ME2: variants seen among roughly 807,000 people sequenced by gnomAD.
ME2 encodes the protein malic enzyme 2, also known as NAD-dependent malic enzyme, mitochondrial.
Under a neutral mutation model 73.7 loss-of-function variants are expected in ME2, and 60 were observed. The ratio of observed to expected loss-of-function variants is 0.81; its 90% CI spans 0.66 to 1.01. The LOEUF (loss-of-function observed/expected upper bound fraction) is 1.01, where lower values mean the gene tolerates loss of function less well. ME2 is among the 50% of genes least tolerant of loss of function. The pLI, the probability that ME2 is intolerant of heterozygous loss-of-function variation, is 0.00. For missense variants in ME2, 594 were observed against 705.5 expected, an observed-to-expected ratio of 0.84 and a Z score of 1.79; for synonymous variants, 199 against 236.9, an observed-to-expected ratio of 0.84 and a Z score of 1.47.
chr18:50,924,256 A>G (rs778542784), intron 11 of ME2, 44 bp downstream of exon 11: 11 of 1,275,212 alleles, frequency 8.6e-6, no homozygotes, highest in Admixed American at 1.8e-5. Flanking sequence ...CCCTAACTGT[A>G]TGTTGCCAGT....
intron 3 of ME2, among the ~76,000 whole-genome samples, chr18:50,910,569 A>AG (rs1917131977): frequency 1.3e-5 from 2 of 152,190 alleles, no homozygotes; most frequent in Non-Finnish European, 2.9e-5. Context: ...ATTTTTCCAT[A>AG]GAAAAAATGA....
At position 50,947,907 on chromosome 18, in the gene ME2, A is replaced by G. The variant is rs919324755; in HGVS notation, c.*723A>G. The G allele has an allele frequency of 6.6e-6, 1 of 152,162 alleles. No individual in the cohort carries two copies. The highest frequency in any genetic ancestry group is 1.5e-5 in the Non-Finnish European group (1 of 68,016). The allele number at this position is 152,162 out of a possible 1,614,324, so 9.4% of individuals were successfully genotyped here. The stretch of plus-strand genomic sequence containing the variant: ...TACATTTAATTGCTTCAGTTATGCT[A>G]TCTTATTGCCCAACTAGAAATTTAG... On this transcript the variant is annotated 3_prime_UTR_variant, in exon 16 of 16. Transcript: ENST00000321341.
chr18:50,932,165 A>G (rs916448566), intron 12 of ME2, 93 bp from the exon 13 acceptor site: 28 of 1,010,530 alleles, frequency 2.8e-5, no homozygotes, highest in Middle Eastern at 2.2e-4. Flanking sequence ...ATATTGGTCT[A>G]TTTTACTTCA....
intron 12 of ME2, among the ~76,000 whole-genome samples, chr18:50,929,931 T>C (rs1917654273): frequency 6.6e-6 from 1 of 152,208 alleles, no homozygotes; most frequent in Admixed American, 6.5e-5. Context: ...AGAATTTTGT[T>C]TTTTGTATAA....
intron 13 of ME2, 61 bp downstream of exon 13, chr18:50,932,421 G>T (rs796218567): frequency 7.6e-5 from 98 of 1,295,960 alleles, no homozygotes; most frequent in Non-Finnish European, 1.0e-4. Flanking sequence ...ATACTTAATG[G>T]AATTCTTTGG....
At chr18:50,922,090 T>C (rs982679624) in intron 10 of ME2, among the ~76,000 whole-genome samples, 2 of 152,244 alleles carry the variant, frequency 1.3e-5, no homozygotes, top group Non-Finnish European at 2.9e-5. Context: ...AAATGTACTT[T>C]GTTCCAGTTC....
At chr18:50,904,381 C>G (rs1164606038) in intron 2 of ME2, among the ~76,000 whole-genome samples, 1 of 151,424 alleles carries the variant, frequency 6.6e-6, no homozygotes, top group Non-Finnish European at 1.5e-5. Flanking sequence ...TGGGTTGAAG[C>G]TATTCTCCTG....
Position 50,947,148 on chromosome 18 carries a change from A to G in ME2, c.1719A>G (p.Pro573=), listed in dbSNP as rs779493000. Residue 573 remains proline (P), a synonymous_variant, in exon 16 of 16, where the codon CCA becomes CCG. Transcript: ENST00000321341. The part of the protein sequence containing the change: ...DSLLPDVYEW[P]ESASSPPVIT... The stretch of plus-strand genomic sequence containing the variant: ...TGCTGCCAGATGTGTATGAATGGCC[A>G]GAATCTGCATCAAGCCCTCCTGTGA... 2.5e-6 allele frequency: 4 copies of G among 1,613,676 alleles called. No homozygotes were observed. The highest frequency in any genetic ancestry group is 2.2e-5 in the East Asian group (1 of 44,876).
At chr18:50,940,258 A>G in intron 14 of ME2, 30 bp from the exon 15 acceptor site, 1 of 1,510,278 alleles carries the variant, frequency 6.6e-7, no homozygotes, top group Non-Finnish European at 9.1e-7. Flanking sequence ...ATTTAAACAA[A>G]CAAAAGCAAA....
intron 2 of ME2, among the ~76,000 whole-genome samples, chr18:50,905,440 A>G (rs1334641610): frequency 6.6e-6 from 1 of 152,178 alleles, no homozygotes; most frequent in Non-Finnish European, 1.5e-5. Flanking sequence ...GTTGATGAAA[A>G]GATTAAAACT....
chr18:50,895,641 A>G (rs565379056), intron 1 of ME2, among the ~76,000 whole-genome samples, 168 bp from the exon 2 acceptor site: 4 of 152,226 alleles, frequency 2.6e-5, no homozygotes, highest in Admixed American at 6.5e-5. Context: ...TCCCAAGAAC[A>G]TAAGAGTGTT....
At chr18:50,933,532 C>G (rs1917746905) in intron 13 of ME2, 1 of 152,090 alleles carries the variant, frequency 6.6e-6, no homozygotes, top group Admixed American at 6.6e-5. Flanking sequence ...GTCCTGTCAT[C>G]CATAATCTCT....
Position 50,953,795 on chromosome 18 carries a change from A to T in ME2, c.*6611A>T, listed in dbSNP as rs187791258. Reference sequence around the variant, plus strand: ...AGAAAGTAGTAATATAAAAATGTGTATGAAATAAGAACTTTCTTAAAAGAC... The same window carrying T: ...AGAAAGTAGTAATATAAAAATGTGTTTGAAATAAGAACTTTCTTAAAAGAC... On this transcript the variant is annotated 3_prime_UTR_variant, in exon 16 of 16. Coordinates refer to ENST00000321341, the MANE Select transcript of ME2 (RefSeq NM_002396.5). The T allele has an allele frequency of 9.6e-4, 147 of 152,364 alleles. No individual in the cohort carries two copies. Among genetic ancestry groups the T allele is most frequent in the African/African-American group, 3.3e-3 (139 of 41,588 alleles). The allele number at this position is 152,364 out of a possible 1,614,324, so 9.4% of individuals were successfully genotyped here.
intron 12 of ME2, among the ~76,000 whole-genome samples, chr18:50,930,908 A>G (rs893668282): frequency 1.3e-5 from 2 of 152,238 alleles, no homozygotes; most frequent in African/African-American, 4.8e-5. Context: ...AAAATGATAT[A>G]ACAATATAGA....
At chr18:50,927,501 C>T (rs1917580457) in intron 12 of ME2, among the ~76,000 whole-genome samples, 1 of 151,540 alleles carries the variant, frequency 6.6e-6, no homozygotes, top group Non-Finnish European at 1.5e-5. Flanking sequence ...GAGATCGAGA[C>T]CATCCTGGCT....
chr18:50,896,688 A>T (rs1404448722), intron 2 of ME2, among the ~76,000 whole-genome samples: 1 of 151,806 alleles, frequency 6.6e-6, no homozygotes, highest in East Asian at 2.1e-4. Context: ...TTCAAATGAA[A>T]AGTGTGACTT....
intron 2 of ME2, among the ~76,000 whole-genome samples, chr18:50,896,775 T>C (rs1405212921): frequency 1.3e-5 from 2 of 152,218 alleles, no homozygotes; most frequent in Non-Finnish European, 2.9e-5. Context: ...TAATTGTTAA[T>C]TGTTATCCTA....
chr18:50,910,249 G>C (rs1917117319), intron 3 of ME2, among the ~76,000 whole-genome samples: 1 of 132,882 alleles, frequency 7.5e-6, no homozygotes, highest in Non-Finnish European at 1.6e-5. Context: ...CTGGGCAACA[G>C]AGTGGGACCC....
At chr18:50,903,012 A>G (rs376259843) in intron 2 of ME2, among the ~76,000 whole-genome samples, 2 of 152,170 alleles carry the variant, frequency 1.3e-5, no homozygotes, top group African/African-American at 4.8e-5. Context: ...GCATGTGCCT[A>G]AAGTAAAATA....
Sources: gnomAD v4.1 joint callset for allele counts (sites outside exome capture counted in the v4.1 genomes callset) on GRCh38, gnomAD v4.1.1 for gene constraint, MANE v1.5 for transcripts, NCBI Gene and HGNC (gene_info 2026-07-23, HGNC 2026-07-21) for gene names.